The following SLC24A2 variants were observed in gnomAD, a reference collection of about 807,000 sequenced individuals.
SLC24A2 encodes sodium/potassium/calcium exchanger 2.
A neutral mutation model predicts 62.0 loss-of-function variants in SLC24A2; 36 were observed. The observed-to-expected ratio is 0.58, with a 90% CI of 0.44 to 0.77. The LOEUF (loss-of-function observed/expected upper bound fraction) is 0.77. SLC24A2 is among the 30% of genes least tolerant of loss of function. The pLI is 0.00. For missense variants in SLC24A2, 846 were observed against 817.9 expected (o/e 1.03, Z -0.42); for synonymous variants, 358 against 294.0 (o/e 1.22, Z -2.23).
the SLC24A2 span, among the ~76,000 whole-genome samples, chr9:20,014,495 GATAT>G: frequency 9.9e-5 from 14 of 140,714 alleles, no homozygotes; most frequent in Admixed American, 2.2e-4. Flanking sequence ...AGAAAAATGT[GATAT>G]ATATATATAT....
At chr9:19,909,021 A>G in the SLC24A2 span, among the ~76,000 whole-genome samples, 1 of 150,202 alleles carries the variant, frequency 6.7e-6, no homozygotes, top group African/African-American at 2.4e-5. Flanking sequence ...TGCTATAAAG[A>G]CACATGCACA....
At chr9:19,568,296 C>G (rs1280537376) in intron 7 of SLC24A2, among the ~76,000 whole-genome samples, 1 of 152,198 alleles carries the variant, frequency 6.6e-6, no homozygotes, top group Non-Finnish European at 1.5e-5. Flanking sequence ...TCAGCATCAT[C>G]TGCAGCTTCC....
chr9:20,019,271 G>GAAAGAAAGA, the SLC24A2 span, among the ~76,000 whole-genome samples: 1 of 146,780 alleles, frequency 6.8e-6, no homozygotes. Context: ...AAGAAAGAAA[G>GAAAGAAAGA]AAAGAAAGAA....
chr9:20,017,845 C>T, the SLC24A2 span, among the ~76,000 whole-genome samples: 1 of 152,230 alleles, frequency 6.6e-6, no homozygotes, highest in Non-Finnish European at 1.5e-5. Context: ...GGTGCCCACC[C>T]AGATTTCCAG....
At chr9:20,233,501 G>GATCTTTC in the SLC24A2 span, among the ~76,000 whole-genome samples, 6 of 151,984 alleles carry the variant, frequency 3.9e-5, no homozygotes, top group African/African-American at 1.5e-4. Context: ...TGTCTCTTTT[G>GATCTTTC]ATCTTTCTTG....
Position 19,725,945 on chromosome 9 carries a change from T to C in SLC24A2, c.930+59992A>G, listed in dbSNP as rs893414777. ...AATTCCTGCTCTGCCCTGGTCCTTT[T>C]ATATCCAGACGTATAGAGCATTGGG... On this transcript the variant is annotated intron_variant, in intron 2 of 10. Transcript: ENST00000341998. 7.2e-5 allele frequency among the ~76,000 whole-genome samples: 11 copies of C among 152,224 alleles called. 1 individual carries two copies. The highest frequency in any genetic ancestry group is 1.5e-4 in the Non-Finnish European group (10 of 68,046).
At chr9:19,970,757 A>C in the SLC24A2 span, among the ~76,000 whole-genome samples, 2 of 152,200 alleles carry the variant, frequency 1.3e-5, no homozygotes, top group African/African-American at 4.8e-5. Flanking sequence ...TTCAGTTAGT[A>C]GGAGAAAAAA....
At chr9:19,902,106 C>T in the SLC24A2 span, among the ~76,000 whole-genome samples, 2 of 152,132 alleles carry the variant, frequency 1.3e-5, no homozygotes, top group Non-Finnish European at 2.9e-5. Context: ...ATTTTATTGT[C>T]ACAAAGAGTC....
chr9:20,055,499 A>T, the SLC24A2 span, among the ~76,000 whole-genome samples: 36 of 152,294 alleles, frequency 2.4e-4, no homozygotes, highest in South Asian at 6.2e-4. Flanking sequence ...AGTAGCTATT[A>T]TCTGTAACTT....
chr9:19,984,005 T>A, the SLC24A2 span, among the ~76,000 whole-genome samples: 122 of 152,338 alleles, frequency 8.0e-4, no homozygotes, highest in Non-Finnish European at 1.4e-3. Context: ...CTCCTCAACT[T>A]ACAATGTGGT....
chr9:20,244,860 T>C, the SLC24A2 span, among the ~76,000 whole-genome samples: 1 of 151,958 alleles, frequency 6.6e-6, no homozygotes, highest in Non-Finnish European at 1.5e-5. Flanking sequence ...ACTTCTCTTA[T>C]TTTAAAAAAA....
chr9:20,255,938 G>T, the SLC24A2 span, among the ~76,000 whole-genome samples: 3 of 152,132 alleles, frequency 2.0e-5, no homozygotes, highest in Non-Finnish European at 2.9e-5. Flanking sequence ...AACTGATAAT[G>T]AACAGAAATT....
At chr9:19,669,873 C>T (rs1349973136) in intron 2 of SLC24A2, among the ~76,000 whole-genome samples, 1 of 152,184 alleles carries the variant, frequency 6.6e-6, no homozygotes, top group African/African-American at 2.4e-5. Context: ...ATAAAATATT[C>T]ACAGGTTCCA....
the SLC24A2 span, among the ~76,000 whole-genome samples, chr9:19,820,733 G>T: frequency 6.6e-6 from 1 of 151,452 alleles, no homozygotes; most frequent in African/African-American, 2.4e-5. Context: ...TGTGTCTGTG[G>T]GTGTGTACAG....
At chr9:20,048,187 G>A in the SLC24A2 span, among the ~76,000 whole-genome samples, 1 of 152,196 alleles carries the variant, frequency 6.6e-6, no homozygotes, top group African/African-American at 2.4e-5. Context: ...AGTACTATGA[G>A]TGTCACTGTT....
intron 7 of SLC24A2, among the ~76,000 whole-genome samples, chr9:19,567,105 TAATAAAAAAA>T (rs1835684342): frequency 1.4e-5 from 2 of 138,532 alleles, no homozygotes; most frequent in African/African-American, 5.5e-5. Flanking sequence ...ACTTAAAGTA[TAATAAAAAAA>T]ATATATATAT....
intron 8 of SLC24A2, among the ~76,000 whole-genome samples, chr9:19,549,587 A>C (rs759499756): frequency 3.9e-5 from 6 of 152,210 alleles, no homozygotes; most frequent in Non-Finnish European, 7.3e-5. Context: ...AGCCCAAGTC[A>C]CATGAAAAGG....
chr9:19,963,751 A>G, the SLC24A2 span, among the ~76,000 whole-genome samples: 3 of 152,026 alleles, frequency 2.0e-5, no homozygotes, highest in South Asian at 6.2e-4. Flanking sequence ...AGAAATAGGA[A>G]CACTTTTACA....
the SLC24A2 span, among the ~76,000 whole-genome samples, chr9:20,214,349 C>T: frequency 6.6e-6 from 1 of 152,178 alleles, no homozygotes; most frequent in African/African-American, 2.4e-5. Context: ...CACAGTGGCT[C>T]ACACCTGTAG....
Sources: gnomAD v4.1 joint callset for allele counts (sites outside exome capture counted in the v4.1 genomes callset) on GRCh38, gnomAD v4.1.1 for gene constraint, MANE v1.5 for transcripts, NCBI Gene and HGNC (gene_info 2026-07-23, HGNC 2026-07-21) for gene names.